Variants in UBR4 observed in about 807,000 individuals in gnomAD.
UBR4 encodes the protein E3 ubiquitin-protein ligase UBR4.
A neutral mutation model predicts 575.6 loss-of-function variants in UBR4; 124 were observed. The observed-to-expected ratio is 0.22, with a 90% CI of 0.19 to 0.25. UBR4 has a LOEUF of 0.25. Ranked by LOEUF, UBR4 falls within the 10% of genes least tolerant of loss-of-function variation. UBR4 has a pLI of 1.00. For synonymous variants in UBR4, 2,455 were observed against 2,473.7 expected (o/e 0.99, Z 0.22); for missense variants, 4,818 against 6,478.8 (o/e 0.74, Z 8.80).
At chr1:19,155,707 C>A (rs1271407600) in intron 42 of UBR4, 39 bp from the exon 43 acceptor site, 1 of 1,554,248 alleles carries the variant, frequency 6.4e-7, no homozygotes, top group African/African-American at 1.4e-5. Flanking sequence ...GGAAATCTAT[C>A]TCAGTCCCAT....
At chr1:19,075,320 A>G (rs1886025) in intron 105 of UBR4, 139,120 of 210,476 alleles carry the variant, frequency 0.66, 47,592 homozygotes, top group African/African-American at 0.83. Context: ...CTCGAGCCCA[A>G]GGGACCCTCC....
Position 19,199,762 on chromosome 1 carries a change from A to C in UBR4, c.275-8T>G. 1 of 1,612,704 alleles carries C rather than the reference A, an allele frequency of 6.2e-7. No homozygotes were observed. Among genetic ancestry groups the C allele is most frequent in the South Asian group, 1.1e-5 (1 of 91,066 alleles). ...GAAGTTGGTTCCGGGGAACTGAGAAAGTAATAAACATTACTCAATTTCAGA... is the reference window on the plus strand; with the variant it reads ...GAAGTTGGTTCCGGGGAACTGAGAACGTAATAAACATTACTCAATTTCAGA... On this transcript the variant is annotated splice_polypyrimidine_tract_variant and splice_region_variant and intron_variant, in intron 2 of 105. Coordinates refer to ENST00000375254, the MANE Select transcript of UBR4 (RefSeq NM_020765.3).
At position 19,121,843 on chromosome 1, in the gene UBR4, C is replaced by A. The variant is rs1175290122; in HGVS notation, c.9895+91G>T. On this transcript the variant is annotated intron_variant, in intron 67 of 105. Transcript: ENST00000375254. ...GTCTATCTTGTTCACAGCTATATCT[C>A]CAGCATCCAGTTCAGTGCTTGGCAT... 4.3e-6 allele frequency: 6 copies of A among 1,403,286 alleles called. No individual in the cohort carries two copies. The African/African-American group carries it at 7.1e-5, about 17-fold the overall frequency. 86.9% of individuals were successfully genotyped at this position (1,403,286 alleles called of 1,614,324 possible). A position where few individuals can be genotyped will look rare whatever the true frequency, so the allele number is the denominator to read the frequency against.
chr1:19,100,441 T>C lies in UBR4; in HGVS notation c.13156A>G (p.Ile4386Val). 1.2e-6 allele frequency: 2 copies of C among 1,614,196 alleles called. No homozygotes were observed. Among genetic ancestry groups the C allele is most frequent in the East Asian group, 4.5e-5 (2 of 44,862 alleles). ...CAGTCCTGGCAAATCTTGTTCTTTATATCCCTCATCAGCGGCCCGATGCCT... is the reference window on the plus strand; with the variant it reads ...CAGTCCTGGCAAATCTTGTTCTTTACATCCCTCATCAGCGGCCCGATGCCT... ...EPGIGPLMRDIKNKICQDCDL... is the reference protein window; with the variant it reads ...EPGIGPLMRDVKNKICQDCDL... Residue 4386 changes from isoleucine to valine, a missense_variant, in exon 89 of 106, where the codon ATA becomes GTA. Ile to Val is a conservative substitution (Grantham distance 29). This residue lies in a region of UBR4 where 105 missense variants were observed against 232.8 expected (regional missense o/e 0.45). Coordinates refer to ENST00000375254, the MANE Select transcript of UBR4 (RefSeq NM_020765.3). The surrounding 1 kb of genome is among the most constrained non-coding windows in gnomAD (Gnocchi z 4.2).
chr1:19,111,421 A>C (rs2079857899), intron 78 of UBR4, among the ~76,000 whole-genome samples: 1 of 152,066 alleles, frequency 6.6e-6, no homozygotes, highest in Non-Finnish European at 1.5e-5. Context: ...CCCTGTCTCC[A>C]GCTACACGGG....
At position 19,173,261 on chromosome 1, in the gene UBR4, G is replaced by C; in HGVS notation, c.3211C>G (p.Leu1071Val). The change falls in exon 24 of 106, where the codon CTT (leucine) becomes GTT (valine). Residue 1071 changes from leucine to valine, a missense_variant. This residue lies in a region of UBR4 where 1,172 missense variants were observed against 1,259.7 expected (regional missense o/e 0.93). Coordinates refer to ENST00000375254, the MANE Select transcript of UBR4 (RefSeq NM_020765.3). ...TTAGTGGTGGATGCCAGTTCTAGAA[G>C]CGAGCTAGCATGCTCAGCCTTCATT... ...QGMKAEHASS[L>V]LELASTTKCS... 1.2e-6 allele frequency: 2 copies of C among 1,614,198 alleles called. No individual in the cohort carries two copies. Among genetic ancestry groups the C allele is most frequent in the Non-Finnish European group, 1.7e-6 (2 of 1,180,036 alleles).
At chr1:19,124,424 T>G in intron 65 of UBR4, 117 bp downstream of exon 65, 1 of 1,380,914 alleles carries the variant, frequency 7.2e-7, no homozygotes, top group South Asian at 1.5e-5. Flanking sequence ...CCTACAAAGG[T>G]GAAAGGGACT....
chr1:19,112,528 T>G lies in UBR4; in HGVS notation c.11797A>C (p.Thr3933Pro). 1.2e-6 allele frequency: 2 copies of G among 1,608,682 alleles called. No homozygotes were observed. Among genetic ancestry groups the G allele is most frequent in the Non-Finnish European group, 8.5e-7 (1 of 1,177,062 alleles). ...AACCATGGTGTAGGTACTGACCGAG[T>G]TAGGAGGCACATGAGCTGGCGGACC... is the stretch of plus-strand genomic sequence containing the variant. ...EEVRQLMCLL[T>P]RDNPEATQQM... Residue 3933 changes from threonine to proline, a missense_variant, in exon 78 of 106, where the codon ACT (threonine) becomes CCT (proline). Coordinates refer to ENST00000375254, the MANE Select transcript of UBR4 (RefSeq NM_020765.3).
chr1:19,114,220 C>T, intron 75 of UBR4, 150 bp from the exon 76 acceptor site: 1 of 1,013,216 alleles, frequency 9.9e-7, no homozygotes, highest in Non-Finnish European at 1.4e-6. Context: ...ATAATCTTTC[C>T]TGTGAGGTGG....
intron 103 of UBR4, chr1:19,079,100 G>A (rs1044243179): frequency 6.6e-6 from 1 of 152,088 alleles, no homozygotes; most frequent in African/African-American, 2.4e-5. Flanking sequence ...AAAATGTTTA[G>A]TATTAAAATG....
intron 17 of UBR4, among the ~76,000 whole-genome samples, chr1:19,180,347 C>A (rs1408497630): frequency 6.6e-6 from 1 of 151,936 alleles, no homozygotes; most frequent in Non-Finnish European, 1.5e-5. Context: ...TGCCACCATG[C>A]CTGGCTAATT....
rs755612698 is a variant in UBR4 at position 19,153,442 on chromosome 1, T to A, written c.6691A>T (p.Ile2231Phe). The A allele has an allele frequency of 6.2e-7, 1 of 1,614,200 alleles. No individual in the cohort carries two copies. The highest frequency in any genetic ancestry group is 8.5e-7 in the Non-Finnish European group (1 of 1,180,036). ...ACNEQQRTTMILLCEDGSLRI... is the reference protein window; with the variant it reads ...ACNEQQRTTMFLLCEDGSLRI... Reference sequence around the variant, plus strand: ...AGGCTGCCATCCTCACACAGCAGAATCATTGTTGTCCGCTGCTGCTCATTG... The same window carrying A: ...AGGCTGCCATCCTCACACAGCAGAAACATTGTTGTCCGCTGCTGCTCATTG... The change falls in exon 46 of 106, where the codon ATT becomes TTT. Residue 2231 changes from isoleucine (I) to phenylalanine (F), a missense_variant. This residue lies in a region of UBR4 where 461 missense variants were observed against 606.9 expected (regional missense o/e 0.76). Transcript: ENST00000375254. This position sits in a 1 kb window ranked among gnomAD's most constrained non-coding sequence, Gnocchi z 4.1.
chr1:19,144,477 T>G (rs1319819820), intron 54 of UBR4, among the ~76,000 whole-genome samples: 1 of 152,174 alleles, frequency 6.6e-6, no homozygotes, highest in Non-Finnish European at 1.5e-5. Context: ...GAAATAGAAA[T>G]CTTGATGTAC....
chr1:19,209,939 G>C, intron 1 of UBR4, 134 bp downstream of exon 1: 1 of 1,335,072 alleles, frequency 7.5e-7, no homozygotes, highest in Non-Finnish European at 9.6e-7. Context: ...CCCCGGGCCC[G>C]GGACCCCGAA....
At position 19,173,037 on chromosome 1, in the gene UBR4, G is replaced by A; in HGVS notation, c.3348C>T (p.Pro1116=). 1 of 1,614,028 alleles carries A rather than the reference G, an allele frequency of 6.2e-7. No individual in the cohort carries two copies. Among genetic ancestry groups the A allele is most frequent in the Non-Finnish European group, 8.5e-7 (1 of 1,179,998 alleles). ...CAAGGGTGTAGATGGACTGCAGACT[G>A]GGAATTTCATGCAGCTGCAAGATGG... ...CTTILQLHEI[P]SLQSIYTLDA... is the part of the protein sequence containing the mutation. The change falls in exon 25 of 106, where the codon CCC becomes CCT. Residue 1116 remains proline, a synonymous_variant. Coordinates refer to ENST00000375254, the MANE Select transcript of UBR4 (RefSeq NM_020765.3).
In UBR4 at chr1:19,210,064, G is replaced by A. The variant is rs1262877108; in HGVS notation, c.176+9C>T. The stretch of plus-strand genomic sequence containing the variant: ...AACAGCGTCGCCCGCCAGAGCCGCC[G>A]CCCGGTACCTCTCGATGACTGAGGC... On this transcript the variant is annotated intron_variant, in intron 1 of 105. Coordinates refer to ENST00000375254, the MANE Select transcript of UBR4 (RefSeq NM_020765.3). The A allele has an allele frequency of 1.3e-6, 2 of 1,544,634 alleles. No individual in the cohort carries two copies. Among genetic ancestry groups the A allele is most frequent in the South Asian group, 2.4e-5 (2 of 84,182 alleles).
chr1:19,143,021 C>A (rs2084152005), intron 55 of UBR4, among the ~76,000 whole-genome samples: 1 of 150,896 alleles, frequency 6.6e-6, no homozygotes, highest in Non-Finnish European at 1.5e-5. Context: ...ACTAGGGAGG[C>A]AGAGATTGCA....
rs560077687 is a variant in UBR4, at chr1:19,089,271, A to C, written c.14212-294T>G. Among the ~76,000 whole-genome samples the C allele has an allele frequency of 1.3e-5, 2 of 152,322 alleles. No homozygotes were observed. Among genetic ancestry groups the C allele is most frequent in the South Asian group, 4.1e-4 (2 of 4,826 alleles). On this transcript the variant is annotated intron_variant, in intron 97 of 105. Coordinates refer to ENST00000375254, the MANE Select transcript of UBR4 (RefSeq NM_020765.3). The surrounding 1 kb of genome is among the most constrained non-coding windows in gnomAD (Gnocchi z 4.3). ...AAAAACTAGATAACATATGCAAAGC[A>C]TCCATCACAGAGGATGTGGAAAGGG...
intron 100 of UBR4, 85 bp from the exon 101 acceptor site, chr1:19,086,355 T>TG (rs1335694746): frequency 4.2e-4 from 3 of 7,122 alleles, no homozygotes; most frequent in Non-Finnish European, 8.1e-4. Context: ...GGGGTGGGGG[T>TG]GGGGGCATGC....
Sources: allele counts gnomAD v4.1 joint callset (sites outside exome capture counted in the v4.1 genomes callset), GRCh38; gene constraint gnomAD v4.1.1; regional missense constraint gnomAD v4.1.1; non-coding constraint Gnocchi (gnomAD v3.1); transcripts MANE v1.5; gene names NCBI Gene and HGNC (gene_info 2026-07-23, HGNC 2026-07-21).